The following DNAJC6 variants were observed in gnomAD, a reference collection of about 807,000 sequenced individuals.
DNAJC6 encodes the protein auxilin.
In DNAJC6, 34 loss-of-function variants were observed where a neutral mutation model predicts 110.0. That is an observed-to-expected ratio of 0.31 (90% CI 0.24 to 0.41). The LOEUF (loss-of-function observed/expected upper bound fraction) is 0.41, where lower values mean the gene tolerates loss of function less well. DNAJC6 is among the 10% of genes least tolerant of loss of function. The pLI is 1.00. For synonymous variants in DNAJC6, 406 were observed against 437.2 expected, an observed-to-expected ratio of 0.93 and a Z score of 0.89; for missense variants, 1,031 against 1,207.8, an observed-to-expected ratio of 0.85 and a Z score of 2.17.
intron 1 of DNAJC6, among the ~76,000 whole-genome samples, chr1:65,340,579 T>C (rs977957327): frequency 6.6e-6 from 1 of 152,204 alleles, no homozygotes; most frequent in Non-Finnish European, 1.5e-5. Context: ...GGTGTGACTT[T>C]TATCCAGTCA....
intron 1 of DNAJC6, among the ~76,000 whole-genome samples, chr1:65,321,570 CAAAGATTTCCCAT>C (rs896070933): frequency 5.3e-5 from 8 of 152,046 alleles, no homozygotes; most frequent in African/African-American, 1.9e-4. Context: ...GAGGAAGGTA[CAAAGATTTCCCAT>C]ATATCCCCTG....
At chr1:65,407,922 A>T (rs11208646) in intron 16 of DNAJC6, among the ~76,000 whole-genome samples, 61,455 of 152,128 alleles carry the variant, frequency 0.4, 13,245 homozygotes, top group East Asian at 0.74. Flanking sequence ...ATTTTGTTTT[A>T]ACAAGCATTT....
Position 65,302,039 on chromosome 1 carries a change from T to C in DNAJC6, c.-131+37107T>C, listed in dbSNP as rs183326014. The stretch of plus-strand genomic sequence containing the variant: ...GTTTTGTTTACTATGTCGAGGGCTA[T>C]GGGAGTTATACAGGAACTGTGGATT... On this transcript the variant is annotated intron_variant, in intron 1 of 19. Coordinates refer to the DNAJC6 transcript ENST00000263441. Among the ~76,000 whole-genome samples the C allele has an allele frequency of 1.7e-3, 250 of 148,084 alleles. 2 individuals carry two copies. Among genetic ancestry groups the C allele is most frequent in the African/African-American group, 5.7e-3 (229 of 40,364 alleles).
intron 1 of DNAJC6, among the ~76,000 whole-genome samples, chr1:65,316,646 T>C (rs1645151420): frequency 6.6e-6 from 1 of 152,222 alleles, no homozygotes; most frequent in Non-Finnish European, 1.5e-5. Flanking sequence ...TAATGAAATA[T>C]GCCCATCCAA....
intron 1 of DNAJC6, among the ~76,000 whole-genome samples, chr1:65,298,249 A>G (rs1380932790): frequency 6.6e-6 from 1 of 152,210 alleles, no homozygotes; most frequent in East Asian, 1.9e-4. Context: ...TCTGTTGGGC[A>G]GCAAGGCCTA....
At chr1:65,266,595 T>TA (rs1419206037) in intron 1 of DNAJC6, among the ~76,000 whole-genome samples, 2 of 152,202 alleles carry the variant, frequency 1.3e-5, no homozygotes, top group African/African-American at 4.8e-5. Context: ...GAGTAGGTAT[T>TA]ACCTGTGTGT....
chr1:65,388,296 C>T (rs111449493), intron 8 of DNAJC6, 40 bp from the exon 9 acceptor site: 35 of 1,555,502 alleles, frequency 2.3e-5, no homozygotes, highest in Non-Finnish European at 2.8e-5. Context: ...ATTCCCTTTT[C>T]GCTGATTGAT....
intron 1 of DNAJC6, among the ~76,000 whole-genome samples, chr1:65,355,421 C>G (rs1344591689): frequency 6.6e-6 from 1 of 152,148 alleles, no homozygotes; most frequent in East Asian, 1.9e-4. Flanking sequence ...AAGCCTGACT[C>G]ATTGGCATTA....
chr1:65,302,926 T>A (rs1193989451), intron 1 of DNAJC6, among the ~76,000 whole-genome samples: 3 of 152,212 alleles, frequency 2.0e-5, no homozygotes, highest in Non-Finnish European at 4.4e-5. Flanking sequence ...GGCTCCTTGA[T>A]CTTGGACTTT....
At chr1:65,375,647 C>T (rs1570345862) in intron 4 of DNAJC6, among the ~76,000 whole-genome samples, 4 of 151,662 alleles carry the variant, frequency 2.6e-5, no homozygotes, top group African/African-American at 9.7e-5. Context: ...AGGATGGTCT[C>T]GATTTCCTGA....
rs530530656 is a variant in DNAJC6 at position 65,302,145 on chromosome 1, TTA to T, written c.-131+37221_-131+37222del. On this transcript the variant is annotated intron_variant, in intron 1 of 19. Transcript: ENST00000263441. ...ATATAAAAAATATATATAATACGTATTATATATATTTATTATATATTATATTA... is the reference window on the plus strand; with the variant it reads ...ATATAAAAAATATATATAATACGTATTATATATTTATTATATATTATATTA... 3.8e-3 allele frequency among the ~76,000 whole-genome samples: 539 copies of T among 142,460 alleles called. 2 individuals are homozygous for T. The highest frequency in any genetic ancestry group is 0.013 in the African/African-American group (526 of 39,080). The allele number at this position is 142,460 out of a possible 152,430, so 93.5% of individuals were successfully genotyped here. A position where few individuals can be genotyped will look rare whatever the true frequency, so the allele number is the denominator to read the frequency against.
At chr1:65,286,522 C>T (rs1476081981) in intron 1 of DNAJC6, among the ~76,000 whole-genome samples, 1 of 152,168 alleles carries the variant, frequency 6.6e-6, no homozygotes, top group Non-Finnish European at 1.5e-5. Context: ...GTTGGAACTA[C>T]AGGTATGAGT....
intron 5 of DNAJC6, among the ~76,000 whole-genome samples, chr1:65,383,504 G>T (rs566274078): frequency 6.6e-6 from 1 of 152,176 alleles, no homozygotes; most frequent in Admixed American, 6.5e-5. Flanking sequence ...CTTCTGGGGT[G>T]GCAGATGGCT....
At chr1:65,397,714 G>A (rs190259551) in intron 13 of DNAJC6, among the ~76,000 whole-genome samples, 26 of 152,144 alleles carry the variant, frequency 1.7e-4, no homozygotes, top group African/African-American at 5.1e-4. Context: ...TAGCAAAACC[G>A]TCTAACTTCC....
chr1:65,393,863 G>T (rs113397485), intron 12 of DNAJC6, among the ~76,000 whole-genome samples: 5 of 152,218 alleles, frequency 3.3e-5, no homozygotes, highest in African/African-American at 1.2e-4. Context: ...GGCTGGTCTT[G>T]ACTTGTGATA....
At chr1:65,347,509 C>T (rs990879871) in intron 1 of DNAJC6, among the ~76,000 whole-genome samples, 31 of 151,834 alleles carry the variant, frequency 2.0e-4, no homozygotes, top group African/African-American at 7.5e-4. Context: ...CCCAAATTTT[C>T]CACATTCTTT....
chr1:65,344,758 T>A (rs1258224996), intron 1 of DNAJC6, among the ~76,000 whole-genome samples: 2 of 152,108 alleles, frequency 1.3e-5, no homozygotes, highest in East Asian at 3.9e-4. Flanking sequence ...TGGAGCATAA[T>A]TAAGCCAGAA....
intron 1 of DNAJC6, among the ~76,000 whole-genome samples, chr1:65,286,810 A>T (rs1654032999): frequency 6.6e-6 from 1 of 152,248 alleles, no homozygotes; most frequent in Non-Finnish European, 1.5e-5. Context: ...ATATTAGCTC[A>T]TTTAAACCTA....
intron 1 of DNAJC6, among the ~76,000 whole-genome samples, chr1:65,319,237 A>G (rs1645174924): frequency 6.6e-6 from 1 of 152,240 alleles, no homozygotes; most frequent in Non-Finnish European, 1.5e-5. Flanking sequence ...CCATGAACAT[A>G]CTTGTGGAAG....
Sources: allele counts gnomAD v4.1 joint callset (sites outside exome capture counted in the v4.1 genomes callset), GRCh38; gene constraint gnomAD v4.1.1; transcripts MANE v1.5; gene names NCBI Gene and HGNC (gene_info 2026-07-23, HGNC 2026-07-21).